Variants in LRRC4C observed in about 807,000 individuals in gnomAD.
The protein encoded by LRRC4C is leucine rich repeat containing 4C.
LRRC4C carries 5 observed loss-of-function variants against 33.6 expected under a neutral mutation model. That is an observed-to-expected ratio of 0.15 (90% CI 0.08 to 0.31). LRRC4C has a LOEUF of 0.31. LRRC4C is among the 10% of genes least tolerant of loss of function. LRRC4C has a pLI of 1.00. For synonymous variants in LRRC4C, 329 were observed against 302.0 expected (o/e 1.09, Z -0.93); for missense variants, 560 against 796.7 (o/e 0.70, Z 3.58).
At chr11:40,368,350 T>C (rs1401141041) in intron 3 of LRRC4C, among the ~76,000 whole-genome samples, 1 of 152,144 alleles carries the variant, frequency 6.6e-6, no homozygotes, top group Non-Finnish European at 1.5e-5. Context: ...GTAATGACTC[T>C]TCAGTGTTTG....
chr11:41,457,867 A>G (rs754363145), intron 1 of LRRC4C, among the ~76,000 whole-genome samples: 35 of 152,124 alleles, frequency 2.3e-4, no homozygotes, highest in Admixed American at 3.9e-4. Flanking sequence ...CTTCTCTAAA[A>G]TCATCATGCA....
chr11:40,692,178 T>A (rs1210570667), intron 2 of LRRC4C, among the ~76,000 whole-genome samples: 1 of 152,002 alleles, frequency 6.6e-6, no homozygotes, highest in Non-Finnish European at 1.5e-5. Context: ...GAGATCAGCA[T>A]ACAATGTGTC....
intron 3 of LRRC4C, among the ~76,000 whole-genome samples, chr11:40,440,314 T>G (rs1291416745): frequency 6.6e-6 from 1 of 151,436 alleles, no homozygotes. Flanking sequence ...TTTTTTTTTT[T>G]TTTTAATACA....
At chr11:40,131,139 G>A (rs978906092) in intron 6 of LRRC4C, among the ~76,000 whole-genome samples, 12 of 152,144 alleles carry the variant, frequency 7.9e-5, no homozygotes, top group South Asian at 2.1e-4. Context: ...ATTGAATTAC[G>A]GAAATGTGTC....
intron 1 of LRRC4C, among the ~76,000 whole-genome samples, chr11:41,207,721 A>C (rs572716891): frequency 1.4e-4 from 22 of 152,294 alleles, no homozygotes; most frequent in African/African-American, 5.1e-4. Flanking sequence ...ACCTGAAACT[A>C]TTCCTGCTCC....
At chr11:40,893,513 T>C (rs1955808051) in intron 2 of LRRC4C, among the ~76,000 whole-genome samples, 1 of 152,074 alleles carries the variant, frequency 6.6e-6, no homozygotes, top group African/African-American at 2.4e-5. Flanking sequence ...ACATTATATT[T>C]ATGTGTATAG....
chr11:41,017,463 A>G (rs752821848), intron 1 of LRRC4C, among the ~76,000 whole-genome samples: 5 of 152,294 alleles, frequency 3.3e-5, no homozygotes, highest in East Asian at 3.9e-4. Flanking sequence ...ACTACTGACC[A>G]CGGAAAGAGG....
intron 1 of LRRC4C, among the ~76,000 whole-genome samples, chr11:40,994,963 C>A (rs10768657): frequency 6.6e-6 from 1 of 151,890 alleles, no homozygotes; most frequent in African/African-American, 2.4e-5. Flanking sequence ...GACTTCTTTA[C>A]ACAGACACGC....
chr11:40,474,370 G>T (rs1193823077), intron 3 of LRRC4C, among the ~76,000 whole-genome samples: 1 of 152,076 alleles, frequency 6.6e-6, no homozygotes, highest in Admixed American at 6.6e-5. Flanking sequence ...GGGAAAACTG[G>T]CTAGCCATAT....
chr11:40,217,483 T>C (rs1198011009), intron 5 of LRRC4C, among the ~76,000 whole-genome samples: 1 of 152,110 alleles, frequency 6.6e-6, no homozygotes, highest in Non-Finnish European at 1.5e-5. Context: ...TTCTATCACG[T>C]ACTACTTTTG....
At chr11:40,206,532 G>A (rs181345004) in intron 5 of LRRC4C, among the ~76,000 whole-genome samples, 2 of 152,202 alleles carry the variant, frequency 1.3e-5, no homozygotes, top group Admixed American at 6.5e-5. Flanking sequence ...GTGAGCCACC[G>A]CACCTGGCCT....
chr11:41,245,626 C>T (rs369200625), intron 1 of LRRC4C, among the ~76,000 whole-genome samples: 240 of 152,336 alleles, frequency 1.6e-3, no homozygotes, highest in African/African-American at 5.7e-3. Flanking sequence ...GGTCTGGGCT[C>T]CTGAAAGGGC....
chr11:41,347,263 C>A (rs530058413), intron 1 of LRRC4C, among the ~76,000 whole-genome samples: 2 of 152,236 alleles, frequency 1.3e-5, no homozygotes, highest in South Asian at 4.1e-4. Context: ...TTTAAAATTG[C>A]ATTTTCTCTG....
Position 40,580,338 on chromosome 11 carries a change from C to T in LRRC4C, c.-270+67804G>A, listed in dbSNP as rs554940285. Among the ~76,000 whole-genome samples, 4 of 151,844 alleles carry T rather than the reference C, an allele frequency of 2.6e-5. No individual in the cohort carries two copies. In the East Asian group the frequency reaches 7.8e-4, roughly 29 times the overall value. On this transcript the variant is annotated intron_variant, in intron 3 of 6. Coordinates refer to ENST00000528697, the MANE Select transcript of LRRC4C (RefSeq NM_001258419.2). ...ATGGAAAACTGCCTTATGAAACCATCAGATCTCATGAGAACTCATTCACTA... is the reference window on the plus strand; with the variant it reads ...ATGGAAAACTGCCTTATGAAACCATTAGATCTCATGAGAACTCATTCACTA...
intron 2 of LRRC4C, among the ~76,000 whole-genome samples, chr11:40,862,203 T>C (rs1429071909): frequency 2.0e-5 from 3 of 152,196 alleles, no homozygotes; most frequent in Admixed American, 6.5e-5. Context: ...CACTATTCTA[T>C]AGTATATTAC....
intron 1 of LRRC4C, among the ~76,000 whole-genome samples, chr11:41,392,090 G>A (rs150992803): frequency 3.9e-5 from 6 of 151,960 alleles, no homozygotes; most frequent in East Asian, 1.9e-4. Flanking sequence ...GGAGAAAACC[G>A]TTTACGAGGG....
At chr11:41,306,196 C>G (rs1950501033) in intron 1 of LRRC4C, among the ~76,000 whole-genome samples, 1 of 152,068 alleles carries the variant, frequency 6.6e-6, no homozygotes, top group Non-Finnish European at 1.5e-5. Flanking sequence ...TTTGTCTTGT[C>G]TGGATTTCCA....
At chr11:40,629,695 A>G (rs1963285781) in intron 3 of LRRC4C, among the ~76,000 whole-genome samples, 1 of 152,218 alleles carries the variant, frequency 6.6e-6, no homozygotes, top group African/African-American at 2.4e-5. Context: ...TCCCATTCAT[A>G]TGCAAAATGA....
At chr11:41,372,147 TA>T (rs1362716321) in intron 1 of LRRC4C, among the ~76,000 whole-genome samples, 7 of 152,104 alleles carry the variant, frequency 4.6e-5, no homozygotes, top group South Asian at 2.1e-4. Flanking sequence ...TCCGTCTCAA[TA>T]AAAAAATAAA....
Sources: gnomAD v4.1 joint callset for allele counts (sites outside exome capture counted in the v4.1 genomes callset) on GRCh38, gnomAD v4.1.1 for gene constraint, MANE v1.5 for transcripts, NCBI Gene and HGNC (gene_info 2026-07-23, HGNC 2026-07-21) for gene names.